Variants in HSD17B12 observed in about 807,000 individuals in gnomAD.
HSD17B12 encodes the protein hydroxysteroid 17-beta dehydrogenase 12.
Under a neutral mutation model 39.3 loss-of-function variants are expected in HSD17B12, and 32 were observed. The observed-to-expected ratio is 0.81, with a 90% confidence interval of 0.61 to 1.09. HSD17B12 has a LOEUF of 1.09. Among genes scored for constraint, HSD17B12 ranks in the 50% least tolerant of loss-of-function variants. HSD17B12 has a pLI of 0.00. For missense variants in HSD17B12, 342 were observed against 382.9 expected (o/e 0.89, Z 0.89); for synonymous variants, 150 against 146.7 (o/e 1.02, Z -0.16).
chr11:43,611,025 CT>C, the HSD17B12 span, among the ~76,000 whole-genome samples: 2 of 152,192 alleles, frequency 1.3e-5, no homozygotes, highest in South Asian at 4.1e-4. Context: ...GAAATTCAGA[CT>C]TTTCTAAAAT....
the HSD17B12 span, among the ~76,000 whole-genome samples, chr11:43,664,018 T>C: frequency 1.1e-4 from 17 of 152,074 alleles, no homozygotes; most frequent in South Asian, 6.2e-4. Context: ...CCTGGCTAAT[T>C]TCTGTATTTT....
intron 1 of HSD17B12, among the ~76,000 whole-genome samples, chr11:43,738,563 G>A (rs560391126): frequency 2.0e-5 from 3 of 152,332 alleles, no homozygotes; most frequent in African/African-American, 7.2e-5. Flanking sequence ...GCTGAAGAGT[G>A]TAGGGGTTGT....
At chr11:43,685,692 C>T (rs952944665) in intron 1 of HSD17B12, among the ~76,000 whole-genome samples, 10 of 152,156 alleles carry the variant, frequency 6.6e-5, no homozygotes, top group South Asian at 2.1e-4. Context: ...CCAAGTCATC[C>T]GTTCTGCAAC....
chr11:43,631,595 CTCTCTCTCTCTCTG>C, the HSD17B12 span, among the ~76,000 whole-genome samples: 8 of 135,850 alleles, frequency 5.9e-5, no homozygotes, highest in South Asian at 9.7e-4. Context: ...CTCTCTGTCT[CTCTCTCTCTCTCTG>C]TCTCTCTCTC....
the HSD17B12 span, among the ~76,000 whole-genome samples, chr11:43,587,918 G>A: frequency 6.6e-6 from 1 of 152,196 alleles, no homozygotes; most frequent in Admixed American, 6.5e-5. Context: ...TTCTGGCCCT[G>A]TTGGGTTGGT....
intron 1 of HSD17B12, among the ~76,000 whole-genome samples, chr11:43,700,211 A>T (rs888516488): frequency 4.6e-5 from 7 of 151,992 alleles, no homozygotes; most frequent in Non-Finnish European, 8.8e-5. Context: ...ATTTATATAT[A>T]TTTTTTTAAT....
At chr11:43,724,348 A>G (rs1181205532) in intron 1 of HSD17B12, among the ~76,000 whole-genome samples, 1 of 152,004 alleles carries the variant, frequency 6.6e-6, no homozygotes, top group African/African-American at 2.4e-5. Context: ...CCTAGGGGTT[A>G]CCATATGTGG....
At chr11:43,828,141 C>CT (rs551697407) in intron 6 of HSD17B12, among the ~76,000 whole-genome samples, 2,307 of 131,236 alleles carry the variant, frequency 0.018, 28 homozygotes, top group East Asian at 0.068. Context: ...TTGTCTACTT[C>CT]TTTTTTTTTT....
At chr11:43,665,773 G>GCA in the HSD17B12 span, among the ~76,000 whole-genome samples, 395 of 150,228 alleles carry the variant, frequency 2.6e-3, 3 homozygotes, top group African/African-American at 8.2e-3. Context: ...ACACGCGCAT[G>GCA]CACACACACA....
At chr11:43,718,866 G>T (rs1268967200) in intron 1 of HSD17B12, 1 of 882,222 alleles carries the variant, frequency 1.1e-6, no homozygotes, top group Non-Finnish European at 1.9e-6. Context: ...CCTCGGAAAA[G>T]CACCCTCAGG....
the HSD17B12 span, among the ~76,000 whole-genome samples, chr11:43,639,332 A>AG: frequency 6.6e-6 from 1 of 152,198 alleles, no homozygotes; most frequent in Non-Finnish European, 1.5e-5. Flanking sequence ...AGTAGAGCTG[A>AG]GGGCTGAATA....
At chr11:43,698,366 T>C (rs1949931871) in intron 1 of HSD17B12, among the ~76,000 whole-genome samples, 1 of 152,242 alleles carries the variant, frequency 6.6e-6, no homozygotes, top group Non-Finnish European at 1.5e-5. Flanking sequence ...TTTAAGTTGT[T>C]CTAAATTAGA....
the HSD17B12 span, among the ~76,000 whole-genome samples, chr11:43,647,190 A>G: frequency 6.6e-6 from 1 of 152,244 alleles, no homozygotes; most frequent in Non-Finnish European, 1.5e-5. Context: ...AGAAGGGAAC[A>G]GAGTGTATCT....
the HSD17B12 span, among the ~76,000 whole-genome samples, chr11:43,674,425 A>G: frequency 1.3e-5 from 2 of 152,246 alleles, no homozygotes; most frequent in Non-Finnish European, 2.9e-5. Context: ...CCCTTAGTAG[A>G]TAAAACAATT....
the HSD17B12 span, among the ~76,000 whole-genome samples, chr11:43,597,850 G>A: frequency 6.6e-6 from 1 of 152,112 alleles, no homozygotes; most frequent in African/African-American, 2.4e-5. Context: ...GGCCAGGCTG[G>A]TCTTGAACTC....
intron 1 of HSD17B12, among the ~76,000 whole-genome samples, chr11:43,730,151 G>T (rs1451346280): frequency 6.6e-6 from 1 of 151,972 alleles, no homozygotes; most frequent in African/African-American, 2.4e-5. Context: ...CAACTACATT[G>T]TAAAGATGCT....
chr11:43,655,998 A>G, the HSD17B12 span, among the ~76,000 whole-genome samples: 1 of 152,108 alleles, frequency 6.6e-6, no homozygotes, highest in Non-Finnish European at 1.5e-5. Context: ...TCCTCCTTGT[A>G]CCTCTGGTAG....
At chr11:43,793,240 G>A (rs1038462023) in intron 3 of HSD17B12, among the ~76,000 whole-genome samples, 9 of 152,106 alleles carry the variant, frequency 5.9e-5, no homozygotes, top group Non-Finnish European at 1.0e-4. Flanking sequence ...TTATAATAAT[G>A]TTATAATATG....
At chr11:43,610,715 A>C in the HSD17B12 span, among the ~76,000 whole-genome samples, 1 of 152,174 alleles carries the variant, frequency 6.6e-6, no homozygotes, top group Non-Finnish European at 1.5e-5. Flanking sequence ...GCAGCAGGGG[A>C]AGTCTTTTGT....
Sources: allele counts gnomAD v4.1 joint callset (sites outside exome capture counted in the v4.1 genomes callset), GRCh38; gene constraint gnomAD v4.1.1; transcripts MANE v1.5; gene names NCBI Gene and HGNC (gene_info 2026-07-23, HGNC 2026-07-21).